Variants in COL8A1 observed in about 807,000 individuals in gnomAD.
The protein encoded by COL8A1 is collagen alpha-1(VIII) chain.
A neutral mutation model predicts 42.7 loss-of-function variants in COL8A1; 21 were observed. That is an observed-to-expected ratio of 0.49 (90% confidence interval 0.35 to 0.71). The LOEUF is 0.71. Among genes scored for constraint, COL8A1 ranks in the 30% least tolerant of loss-of-function variants. The pLI, the probability that COL8A1 is intolerant of heterozygous loss-of-function variation, is 0.01. For synonymous variants in COL8A1, 367 were observed against 369.1 expected (o/e 0.99, Z 0.06); for missense variants, 788 against 962.4 (o/e 0.82, Z 2.40).
intron 2 of COL8A1, among the ~76,000 whole-genome samples, chr3:99,752,865 T>A (rs151052645): frequency 6.6e-6 from 1 of 152,088 alleles, no homozygotes; most frequent in East Asian, 1.9e-4. Context: ...GTGCACCTAG[T>A]GGCCTCAGTT....
At position 99,755,587 on chromosome 3, in the gene COL8A1, G is replaced by A. The variant is rs182449278; in HGVS notation, c.-4+10566G>A. On this transcript the variant is annotated intron_variant, in intron 2 of 3. Coordinates refer to ENST00000652472, the MANE Select transcript of COL8A1 (RefSeq NM_020351.4). Reference sequence around the variant, plus strand: ...TGAAGAAAAATCAAATAAGGGAAAGGGATAGAGAATGATAGGATGAGGGAT... The same window carrying A: ...TGAAGAAAAATCAAATAAGGGAAAGAGATAGAGAATGATAGGATGAGGGAT... 2.1e-3 allele frequency among the ~76,000 whole-genome samples: 313 copies of A among 152,236 alleles called. 2 individuals carry two copies. Among genetic ancestry groups the A allele is most frequent in the Middle Eastern group, 0.01 (3 of 294 alleles).
chr3:99,647,514 C>T (rs1471466637), intron 1 of COL8A1, among the ~76,000 whole-genome samples: 1 of 151,984 alleles, frequency 6.6e-6, no homozygotes, highest in Admixed American at 6.6e-5. Flanking sequence ...CTTCAACCTC[C>T]ACTTCTACCC....
chr3:99,716,068 A>G (rs1476335236), intron 1 of COL8A1, among the ~76,000 whole-genome samples: 1 of 152,050 alleles, frequency 6.6e-6, no homozygotes, highest in Non-Finnish European at 1.5e-5. Flanking sequence ...GCAATCAGCA[A>G]ACTGATTGCT....
chr3:99,725,020 A>G (rs1940262828), intron 1 of COL8A1, among the ~76,000 whole-genome samples: 1 of 152,098 alleles, frequency 6.6e-6, no homozygotes, highest in South Asian at 2.1e-4. Flanking sequence ...TAAATGATGT[A>G]TAATATAGTT....
At chr3:99,690,177 G>A (rs1456700111) in intron 1 of COL8A1, among the ~76,000 whole-genome samples, 2 of 151,982 alleles carry the variant, frequency 1.3e-5, no homozygotes, top group East Asian at 1.9e-4. Context: ...TGGAGAATGG[G>A]GTAAGATCTG....
chr3:99,703,215 T>C (rs1012441287), intron 1 of COL8A1: 11 of 152,236 alleles, frequency 7.2e-5, no homozygotes, highest in Non-Finnish European at 1.6e-4. Context: ...CTGCTCTGTT[T>C]AGATTAGACT....
chr3:99,663,751 C>T (rs1292771380), intron 1 of COL8A1, among the ~76,000 whole-genome samples: 1 of 151,934 alleles, frequency 6.6e-6, no homozygotes, highest in Non-Finnish European at 1.5e-5. Flanking sequence ...GATCTGCATC[C>T]CTTATTGAAG....
At chr3:99,673,558 T>G (rs1296116279) in intron 1 of COL8A1, among the ~76,000 whole-genome samples, 2 of 152,114 alleles carry the variant, frequency 1.3e-5, no homozygotes, top group Non-Finnish European at 1.5e-5. Context: ...GTATTAGTCT[T>G]TACATTTACA....
chr3:99,712,129 T>C (rs938605359), intron 1 of COL8A1, among the ~76,000 whole-genome samples: 2 of 152,166 alleles, frequency 1.3e-5, no homozygotes, highest in Non-Finnish European at 2.9e-5. Context: ...TAGAAGAGAA[T>C]GCATTTGGGG....
chr3:99,699,827 A>T lies in COL8A1; in HGVS notation c.-128-45070A>T, dbSNP rs557384503. Reference sequence around the variant, plus strand: ...CACATACACATACACATACACAGACACAGACACACACACTCTTACACAAAC... The same window carrying T: ...CACATACACATACACATACACAGACTCAGACACACACACTCTTACACAAAC... On this transcript the variant is annotated intron_variant, in intron 1 of 3. Transcript: ENST00000652472. 3.9e-5 allele frequency among the ~76,000 whole-genome samples: 6 copies of T among 152,320 alleles called. No homozygotes were observed. In the East Asian group the frequency reaches 1.2e-3, roughly 29 times the overall value.
chr3:99,674,842 G>C lies in COL8A1; in HGVS notation c.-129+36178G>C, dbSNP rs1938647124. Among the ~76,000 whole-genome samples the C allele has an allele frequency of 2.0e-5, 3 of 152,084 alleles. No individual in the cohort carries two copies. In the South Asian group the frequency reaches 6.2e-4, roughly 32 times the overall value. The stretch of plus-strand genomic sequence containing the variant: ...TATTGAATAATGATAAAGTAATAGT[G>C]ATCCTTTTTATCTATTTTTCACATT... On this transcript the variant is annotated intron_variant, in intron 1 of 3. Coordinates refer to ENST00000652472, the MANE Select transcript of COL8A1 (RefSeq NM_020351.4).
At chr3:99,719,237 A>C (rs1940084024) in intron 1 of COL8A1, among the ~76,000 whole-genome samples, 1 of 152,090 alleles carries the variant, frequency 6.6e-6, no homozygotes, top group Non-Finnish European at 1.5e-5. Flanking sequence ...AAGACTTAAA[A>C]AGACTCTCCA....
At chr3:99,698,464 T>C (rs922667224) in intron 1 of COL8A1, among the ~76,000 whole-genome samples, 2 of 152,198 alleles carry the variant, frequency 1.3e-5, no homozygotes, top group Non-Finnish European at 2.9e-5. Flanking sequence ...AGAATACAAA[T>C]ATTTATGTAA....
chr3:99,658,897 G>C (rs1414259093), intron 1 of COL8A1, among the ~76,000 whole-genome samples: 1 of 152,146 alleles, frequency 6.6e-6, no homozygotes, highest in Non-Finnish European at 1.5e-5. Context: ...AAGTTTCCCA[G>C]AGTGTTTTAA....
chr3:99,716,888 C>A (rs1373219449), intron 1 of COL8A1, among the ~76,000 whole-genome samples: 1 of 151,960 alleles, frequency 6.6e-6, no homozygotes, highest in Non-Finnish European at 1.5e-5. Context: ...GACTCTCTGG[C>A]CTAAACATAA....
chr3:99,789,385 TC>T (rs1941954171), intron 2 of COL8A1, among the ~76,000 whole-genome samples: 1 of 152,036 alleles, frequency 6.6e-6, no homozygotes, highest in African/African-American at 2.4e-5. Flanking sequence ...GCCACTTCTC[TC>T]TCTCTCTCTC....
At chr3:99,688,980 A>G (rs948795445) in intron 1 of COL8A1, among the ~76,000 whole-genome samples, 5 of 152,196 alleles carry the variant, frequency 3.3e-5, no homozygotes, top group African/African-American at 4.8e-5. Flanking sequence ...GTCTCCACAC[A>G]TAGCCAAATG....
At chr3:99,638,947 G>T (rs1937448792) in intron 1 of COL8A1, among the ~76,000 whole-genome samples, 1 of 152,134 alleles carries the variant, frequency 6.6e-6, no homozygotes, top group African/African-American at 2.4e-5. Context: ...AAATGTATCT[G>T]TTTGGGGTGT....
chr3:99,651,711 A>G (rs535511875), intron 1 of COL8A1, among the ~76,000 whole-genome samples: 2 of 152,358 alleles, frequency 1.3e-5, no homozygotes, highest in South Asian at 4.1e-4. Context: ...AATCTCTAAC[A>G]GCAATAGTTT....
Sources: gnomAD v4.1 joint callset for allele counts (sites outside exome capture counted in the v4.1 genomes callset) on GRCh38, gnomAD v4.1.1 for gene constraint, MANE v1.5 for transcripts, NCBI Gene and HGNC (gene_info 2026-07-23, HGNC 2026-07-21) for gene names.